KIAA0825: variants seen among roughly 807,000 people sequenced by gnomAD.
KIAA0825 encodes KIAA0825.
In KIAA0825, 119 loss-of-function variants were observed where a neutral mutation model predicts 147.6. The ratio of observed to expected loss-of-function variants is 0.81; its 90% CI spans 0.69 to 0.94. KIAA0825 has a LOEUF of 0.94. Ranked by LOEUF, KIAA0825 falls within the 40% of genes least tolerant of loss-of-function variation. The pLI is 0.00. For missense variants in KIAA0825, 1,381 were observed against 1,472.7 expected (o/e 0.94, Z 1.02); for synonymous variants, 470 against 518.1 (o/e 0.91, Z 1.26).
intron 20 of KIAA0825, among the ~76,000 whole-genome samples, chr5:94,211,643 C>A (rs982088439): frequency 2.0e-5 from 3 of 152,132 alleles, no homozygotes; most frequent in African/African-American, 7.2e-5. Flanking sequence ...AAAGTAAGAT[C>A]TATCTTCCGT....
chr5:94,296,683 G>A (rs1338850669), intron 20 of KIAA0825, among the ~76,000 whole-genome samples: 2 of 152,050 alleles, frequency 1.3e-5, no homozygotes, highest in Non-Finnish European at 2.9e-5. Context: ...TGCACTTCCC[G>A]GGTGAGGGGA....
intron 20 of KIAA0825, among the ~76,000 whole-genome samples, chr5:94,215,443 T>C (rs1773107547): frequency 6.6e-6 from 1 of 152,144 alleles, no homozygotes; most frequent in Non-Finnish European, 1.5e-5. Flanking sequence ...AGGCTTAGTG[T>C]GGGAGTTGTG....
At chr5:94,311,595 A>C (rs1161715283) in intron 20 of KIAA0825, among the ~76,000 whole-genome samples, 1 of 151,678 alleles carries the variant, frequency 6.6e-6, no homozygotes, top group Non-Finnish European at 1.5e-5. Context: ...TCTAAGATCA[A>C]AAGCTTTTCA....
intron 14 of KIAA0825, among the ~76,000 whole-genome samples, chr5:94,439,532 A>T (rs1240660977): frequency 1.4e-5 from 2 of 147,860 alleles, no homozygotes; most frequent in Non-Finnish European, 3.0e-5. Flanking sequence ...TGTAGGCCAC[A>T]TCTTGCTTGT....
At chr5:94,519,569 T>C (rs927868062) in intron 5 of KIAA0825, 17 of 595,980 alleles carry the variant, frequency 2.9e-5, no homozygotes, top group Non-Finnish European at 3.2e-5. Flanking sequence ...TATACATCCT[T>C]ATAGAAAAAA....
chr5:94,503,510 C>T (rs1765341083), intron 5 of KIAA0825, among the ~76,000 whole-genome samples: 1 of 152,134 alleles, frequency 6.6e-6, no homozygotes, highest in Non-Finnish European at 1.5e-5. Flanking sequence ...ACTTGGCTGT[C>T]TTCTTTGACT....
intron 20 of KIAA0825, among the ~76,000 whole-genome samples, chr5:94,199,561 CATGGGTGTGTGT>C (rs1291549819): frequency 6.6e-6 from 1 of 151,888 alleles, no homozygotes; most frequent in Non-Finnish European, 1.5e-5. Flanking sequence ...TGGTTGGGGG[CATGGGTGTGTGT>C]ACACCAGTGG....
At position 94,601,392 on chromosome 5, in the gene KIAA0825, A is replaced by G. The variant is rs147852600; in HGVS notation, c.-153+17108T>C. Among the ~76,000 whole-genome samples the G allele has an allele frequency of 3.3e-3, 505 of 152,268 alleles. 5 individuals carry two copies. Among genetic ancestry groups the G allele is most frequent in the Non-Finnish European group, 4.4e-3 (296 of 68,014 alleles). On this transcript the variant is annotated intron_variant, in intron 1 of 20. Coordinates refer to ENST00000682413, the MANE Select transcript of KIAA0825 (RefSeq NM_001145678.3). ...CAACAACGAAAAAACCCCAAACCCC[A>G]TCCAAAGGTCAGCAACCTCAAAGAA...
intron 2 of KIAA0825, among the ~76,000 whole-genome samples, chr5:94,537,916 T>C (rs370887017): frequency 6.6e-6 from 1 of 152,138 alleles, no homozygotes; most frequent in East Asian, 1.9e-4. Flanking sequence ...TGTCCTTGAG[T>C]TTCTCTAGCA....
intron 12 of KIAA0825, among the ~76,000 whole-genome samples, chr5:94,454,174 A>G (rs1758787616): frequency 2.6e-5 from 4 of 152,232 alleles, no homozygotes; most frequent in South Asian, 4.1e-4. Context: ...TAACAAATGT[A>G]TAACAACAGG....
At chr5:94,228,938 A>C (rs114684550) in intron 20 of KIAA0825, among the ~76,000 whole-genome samples, 1,791 of 152,268 alleles carry the variant, frequency 0.012, 16 homozygotes, top group Non-Finnish European at 0.021. Flanking sequence ...TGGGACTCTG[A>C]CCATTCCAGG....
chr5:94,246,804 G>A (rs1460182), intron 20 of KIAA0825, among the ~76,000 whole-genome samples: 26,275 of 152,022 alleles, frequency 0.17, 2,597 homozygotes, highest in East Asian at 0.34. Flanking sequence ...AAGCAGCAAA[G>A]CCAAGATCCA....
intron 20 of KIAA0825, among the ~76,000 whole-genome samples, chr5:94,353,236 A>G (rs1043914726): frequency 3.3e-5 from 5 of 152,206 alleles, no homozygotes; most frequent in African/African-American, 1.2e-4. Context: ...AACTACTTCT[A>G]CTTAACATTT....
chr5:94,481,023 A>G (rs1019978364), intron 6 of KIAA0825, among the ~76,000 whole-genome samples: 7 of 152,164 alleles, frequency 4.6e-5, no homozygotes, highest in Non-Finnish European at 8.8e-5. Context: ...AAACTCTATG[A>G]ACTCTAAACA....
intron 3 of KIAA0825, among the ~76,000 whole-genome samples, chr5:94,535,577 A>AGATATGCCG (rs1771834852): frequency 1.3e-5 from 2 of 150,892 alleles, no homozygotes; most frequent in Non-Finnish European, 2.9e-5. Flanking sequence ...TCGGAAGACT[A>AGATATGCCG]GATATGCCGT....
intron 20 of KIAA0825, among the ~76,000 whole-genome samples, chr5:94,198,779 A>G (rs1247161082): frequency 6.6e-6 from 1 of 152,178 alleles, no homozygotes; most frequent in East Asian, 1.9e-4. Flanking sequence ...CAACAACAAC[A>G]ACAAAGGGGT....
chr5:94,486,785 T>C (rs1469227458), intron 5 of KIAA0825, among the ~76,000 whole-genome samples: 2 of 152,192 alleles, frequency 1.3e-5, no homozygotes, highest in Non-Finnish European at 2.9e-5. Context: ...ATTTGGTCTA[T>C]TTGACTTATC....
At chr5:94,492,263 C>T (rs1285846200) in intron 5 of KIAA0825, among the ~76,000 whole-genome samples, 1 of 152,158 alleles carries the variant, frequency 6.6e-6, no homozygotes, top group Non-Finnish European at 1.5e-5. Flanking sequence ...GGGCACTGTC[C>T]CTACTACCAG....
chr5:94,607,640 A>C (rs1020772015), intron 1 of KIAA0825, among the ~76,000 whole-genome samples: 1 of 152,138 alleles, frequency 6.6e-6, no homozygotes, highest in Non-Finnish European at 1.5e-5. Flanking sequence ...CAAACAAAAA[A>C]CAAGAAGTTA....
Sources: allele counts gnomAD v4.1 joint callset (sites outside exome capture counted in the v4.1 genomes callset), GRCh38; gene constraint gnomAD v4.1.1; transcripts MANE v1.5; gene names NCBI Gene and HGNC (gene_info 2026-07-23, HGNC 2026-07-21).